Variants in UBN1 observed in about 807,000 individuals in gnomAD.
UBN1 encodes ubinuclein-1.
Under a neutral mutation model 108.5 loss-of-function variants are expected in UBN1, and 17 were observed. The observed-to-expected ratio is 0.16, with a 90% CI of 0.11 to 0.24. The LOEUF (loss-of-function observed/expected upper bound fraction) is 0.24, where lower values mean the gene tolerates loss of function less well. Among genes scored for constraint, UBN1 ranks in the 10% least tolerant of loss-of-function variants. The probability of loss-of-function intolerance (pLI) is 1.00; values close to 1 mark genes in which losing one functional copy is unlikely to be tolerated. For synonymous variants in UBN1, 726 were observed against 564.2 expected (o/e 1.29, Z -4.07); for missense variants, 1,595 against 1,394.4 (o/e 1.14, Z -2.29).
At chr16:4,871,937 C>A (rs1017458152) in intron 12 of UBN1, among the ~76,000 whole-genome samples, 10 of 152,142 alleles carry the variant, frequency 6.6e-5, no homozygotes, top group Non-Finnish European at 1.3e-4. Flanking sequence ...GAGATGGGTT[C>A]ATCTTGGGTC....
At chr16:4,857,569 G>A (rs965930020) in intron 2 of UBN1, among the ~76,000 whole-genome samples, 3 of 151,908 alleles carry the variant, frequency 2.0e-5, no homozygotes, top group Non-Finnish European at 2.9e-5. Flanking sequence ...ACCACATTCA[G>A]TGGGATTTTC....
At position 4,859,942 on chromosome 16, in the gene UBN1, G is replaced by A. The variant is rs1440675024; in HGVS notation, c.645G>A (p.Ser215=). 3 of 1,614,000 alleles carry A rather than the reference G, an allele frequency of 1.9e-6. No individual in the cohort carries two copies. Among genetic ancestry groups the A allele is most frequent in the East Asian group, 2.2e-5 (1 of 44,890 alleles). ...KDDTYDKEKK[S]KKSKFSKAGF... is the part of the protein sequence containing the mutation. ...ACACTTATGACAAGGAGAAGAAATC[G>A]AAAAAGTCCAAGTTTTCCAAAGCCG... The change falls in exon 6 of 18, where the codon TCG becomes TCA. Residue 215 remains serine, a synonymous_variant. Coordinates refer to ENST00000262376, the MANE Select transcript of UBN1 (RefSeq NM_001079514.3).
chr16:4,852,732 A>AAT, intron 1 of UBN1, 147 bp from the exon 2 acceptor site: 1 of 858,354 alleles, frequency 1.2e-6, no homozygotes, highest in Non-Finnish European at 1.7e-6. Context: ...TTTAGGATGA[A>AAT]TAAGCAGAAA....
chr16:4,875,478 G>C, intron 15 of UBN1, 44 bp downstream of exon 15: 1 of 1,560,520 alleles, frequency 6.4e-7, no homozygotes, highest in East Asian at 2.3e-5. Context: ...ACTCACAGGG[G>C]CCTTGGGGAT....
chr16:4,871,004 A>C (rs772011832), intron 11 of UBN1, 32 bp downstream of exon 11: 11 of 1,612,590 alleles, frequency 6.8e-6, no homozygotes, highest in Non-Finnish European at 5.9e-6. Flanking sequence ...GCCTCTTTGG[A>C]GGGTTGGTGG....
intron 1 of UBN1, among the ~76,000 whole-genome samples, chr16:4,851,647 C>G (rs2086562833): frequency 6.6e-6 from 1 of 152,024 alleles, no homozygotes; most frequent in South Asian, 2.1e-4. Context: ...AGTGGGTCAG[C>G]ATCTCTACAA....
chr16:4,875,215 T>C lies in UBN1; in HGVS notation c.2805T>C (p.Pro935=). 6.2e-7 allele frequency: 1 copy of C among 1,614,242 alleles called. No homozygotes were observed. The highest frequency in any genetic ancestry group is 1.3e-5 in the African/African-American group (1 of 75,064). Reference sequence around the variant, plus strand: ...GTTCTGTTTCTGGGAGCCTGGTCCCTGGCATACAGCCTCCCTCCGTGGGAC... The same window carrying C: ...GTTCTGTTTCTGGGAGCCTGGTCCCCGGCATACAGCCTCCCTCCGTGGGAC... ...VQSSVSGSLV[P]GIQPPSVGQA... Residue 935 remains proline, a synonymous_variant, in exon 15 of 18, where the codon CCT becomes CCC. Transcript: ENST00000262376.
At chr16:4,875,811 G>A (rs1005357565) in intron 15 of UBN1, among the ~76,000 whole-genome samples, 2 of 152,190 alleles carry the variant, frequency 1.3e-5, no homozygotes, top group Non-Finnish European at 2.9e-5. Flanking sequence ...GTTGAGTCAT[G>A]TGGAGGTGTT....
intron 15 of UBN1, among the ~76,000 whole-genome samples, chr16:4,876,260 T>G (rs1310135493): frequency 6.6e-6 from 1 of 152,120 alleles, no homozygotes; most frequent in East Asian, 1.9e-4. Context: ...ACCCGGCCTC[T>G]TTTTCTAATA....
At chr16:4,849,291 G>A (rs905081839) in intron 1 of UBN1, among the ~76,000 whole-genome samples, 3 of 152,042 alleles carry the variant, frequency 2.0e-5, no homozygotes, top group African/African-American at 7.2e-5. Context: ...GCAATTTTTG[G>A]AAAAGGGAAG....
intron 2 of UBN1, among the ~76,000 whole-genome samples, chr16:4,856,731 G>A (rs2086828512): frequency 6.6e-6 from 1 of 152,190 alleles, no homozygotes; most frequent in Non-Finnish European, 1.5e-5. Flanking sequence ...TGCTGCTCAA[G>A]GTTGGTGGGA....
rs778736726 is a variant in UBN1 at position 4,853,061 on chromosome 16, A to C, written c.144A>C (p.Thr48=). 6.2e-6 allele frequency: 10 copies of C among 1,614,142 alleles called. No homozygotes were observed. In the Admixed American group the frequency reaches 1.7e-4, roughly 27 times the overall value. Residue 48 remains threonine, a synonymous_variant, in exon 2 of 18, where the codon ACA becomes ACC. Coordinates refer to ENST00000262376, the MANE Select transcript of UBN1 (RefSeq NM_001079514.3). Reference sequence around the variant, plus strand: ...CGGCTGCAGCAGCTGTTCGGATTACACTCACCCTCTTTGAACCAGATCACA... The same window carrying C: ...CGGCTGCAGCAGCTGTTCGGATTACCCTCACCCTCTTTGAACCAGATCACA... ...CEPAAAAVRI[T]LTLFEPDHKR... is the part of the protein sequence containing the mutation.
rs544448798 is a variant in UBN1, at chr16:4,848,176, G to C, written c.-74G>C. 2 of 152,188 alleles carry C rather than the reference G, an allele frequency of 1.3e-5. No homozygotes were observed. The highest frequency in any genetic ancestry group is 2.9e-5 in the Non-Finnish European group (2 of 68,038). 9.4% of individuals were successfully genotyped at this position (152,188 alleles called of 1,614,324 possible). On this transcript the variant is annotated 5_prime_UTR_variant, in exon 1 of 18. Transcript: ENST00000262376. ...ACCGGCATGAGGACCGCCGCGGGGG[G>C]ACGTCTGCGGCCCGCGTCGGCGCTG...
rs377483854 is a variant in UBN1, at chr16:4,877,129, G to C, written c.3265+18G>C. On this transcript the variant is annotated intron_variant, in intron 16 of 17. Coordinates refer to ENST00000262376, the MANE Select transcript of UBN1 (RefSeq NM_001079514.3). The surrounding 1 kb of genome is among the most constrained non-coding windows in gnomAD (Gnocchi z 4.3). Reference sequence around the variant, plus strand: ...TGGCCACAGTAAGTGCTTCTTTGCTGCCTCTGGTCACTCAGGAACCTCTAG... The same window carrying C: ...TGGCCACAGTAAGTGCTTCTTTGCTCCCTCTGGTCACTCAGGAACCTCTAG... 79 of 1,592,704 alleles carry C rather than the reference G, an allele frequency of 5.0e-5. No homozygotes were observed. Among genetic ancestry groups the C allele is most frequent in the Non-Finnish European group, 6.4e-5 (75 of 1,170,452 alleles).
At chr16:4,851,951 A>G (rs886607404) in intron 1 of UBN1, among the ~76,000 whole-genome samples, 2 of 152,246 alleles carry the variant, frequency 1.3e-5, no homozygotes, top group African/African-American at 2.4e-5. Flanking sequence ...ATAATGTATA[A>G]TAATTTATGT....
chr16:4,875,196 T>C lies in UBN1; in HGVS notation c.2786T>C (p.Val929Ala), dbSNP rs754815152. ...SSGGTPVQSS[V>A]SGSLVPGIQP... ...GGAGGAACACCAGTCCAGAGTTCTG[T>C]TTCTGGGAGCCTGGTCCCTGGCATA... Residue 929 changes from valine to alanine, a missense_variant, in exon 15 of 18, where the codon GTT becomes GCT. By Grantham distance (64) the Val-to-Ala change is moderately conservative. Coordinates refer to ENST00000262376, the MANE Select transcript of UBN1 (RefSeq NM_001079514.3). 2 of 1,614,240 alleles carry C rather than the reference T, an allele frequency of 1.2e-6. No individual in the cohort carries two copies. The highest frequency in any genetic ancestry group is 2.7e-5 in the African/African-American group (2 of 75,054).
chr16:4,855,507 T>C (rs150524710), intron 2 of UBN1, among the ~76,000 whole-genome samples: 7,862 of 148,662 alleles, frequency 0.053, 675 homozygotes, highest in African/African-American at 0.18. Context: ...TTCCAGCTAC[T>C]CAGAAAGCTG....
At chr16:4,860,092 C>A in intron 6 of UBN1, 124 bp downstream of exon 6, 3 of 1,204,490 alleles carry the variant, frequency 2.5e-6, no homozygotes, top group East Asian at 2.5e-5. Context: ...TCCTGTCCTC[C>A]CGCACGCCTC....
In UBN1 at chr16:4,857,992, G is replaced by A. The variant is rs2086890581; in HGVS notation, c.252G>A (p.Lys84=). Residue 84 remains lysine (K), a splice_region_variant and synonymous_variant, in exon 3 of 18, where the codon AAG becomes AAA. Transcript: ENST00000262376. ...TTTGTGGAACGATCTCTTTACAGAAGAAAGATCTGTCAGATCCTTTCAATG... is the reference window on the plus strand; with the variant it reads ...TTTGTGGAACGATCTCTTTACAGAAAAAAGATCTGTCAGATCCTTTCAATG... ...KVKGLQPGDK[K]KDLSDPFNDE... is the part of the protein sequence containing the mutation. 6.2e-7 allele frequency: 1 copy of A among 1,609,726 alleles called. No individual in the cohort carries two copies. Among genetic ancestry groups the A allele is most frequent in the African/African-American group, 1.3e-5 (1 of 74,620 alleles).
Sources: gnomAD v4.1 joint callset for allele counts (sites outside exome capture counted in the v4.1 genomes callset) on GRCh38, gnomAD v4.1.1 for gene constraint, Gnocchi (gnomAD v3.1) non-coding constraint, MANE v1.5 for transcripts, NCBI Gene and HGNC (gene_info 2026-07-23, HGNC 2026-07-21) for gene names.